INTS4: variants seen among roughly 807,000 people sequenced by gnomAD.
The protein encoded by INTS4 is MSTP093.
INTS4 carries 70 observed loss-of-function variants against 119.5 expected under a neutral mutation model. The observed-to-expected ratio is 0.59, with a 90% confidence interval of 0.48 to 0.71. INTS4 has a LOEUF of 0.71. INTS4 is among the 30% of genes least tolerant of loss of function. INTS4 has a pLI of 0.00. For synonymous variants in INTS4, 316 were observed against 419.6 expected (o/e 0.75, Z 3.02); for missense variants, 867 against 1,173.2 (o/e 0.74, Z 3.81).
At chr11:77,981,021 G>C (rs576846768) in intron 3 of INTS4, among the ~76,000 whole-genome samples, 1 of 151,908 alleles carries the variant, frequency 6.6e-6, no homozygotes, top group South Asian at 2.1e-4. Flanking sequence ...GATGGAACGA[G>C]TACTGTATGT....
chr11:77,924,609 G>C, intron 12 of INTS4, 141 bp downstream of exon 12: 1 of 652,640 alleles, frequency 1.5e-6, no homozygotes, highest in Non-Finnish European at 2.6e-6. Context: ...TGAGAGTTCG[G>C]TTAAGTTGAA....
chr11:77,941,458 C>CTTTTTTTTTT (rs35544689), intron 8 of INTS4, among the ~76,000 whole-genome samples: 3 of 138,456 alleles, frequency 2.2e-5, no homozygotes, highest in Non-Finnish European at 3.1e-5. Context: ...ACCTACTGTG[C>CTTTTTTTTTT]TTTTTTTTTT....
intron 7 of INTS4, among the ~76,000 whole-genome samples, chr11:77,956,956 C>T (rs1954343358): frequency 6.6e-6 from 1 of 151,898 alleles, no homozygotes; most frequent in African/African-American, 2.4e-5. Context: ...TTTTTTGAGA[C>T]AGGGTCTCAC....
intron 7 of INTS4, 48 bp from the exon 8 acceptor site, chr11:77,956,110 C>T (rs1416246154): frequency 5.8e-6 from 9 of 1,550,570 alleles, no homozygotes; most frequent in Non-Finnish European, 7.8e-6. Context: ...AAACATGAAC[C>T]TAAGTCTGCA....
At chr11:77,899,447 G>A (rs1952680317) in intron 18 of INTS4, among the ~76,000 whole-genome samples, 1 of 152,106 alleles carries the variant, frequency 6.6e-6, no homozygotes, top group Non-Finnish European at 1.5e-5. Flanking sequence ...CGAGTCGGGT[G>A]GATCACCTGA....
downstream of INTS4, among the ~76,000 whole-genome samples, chr11:77,874,907 C>T (rs748027137): frequency 1.3e-5 from 2 of 152,100 alleles, no homozygotes; most frequent in Admixed American, 6.6e-5. Flanking sequence ...CGTGGTGGCA[C>T]GTGCCTGTAA....
intron 12 of INTS4, among the ~76,000 whole-genome samples, chr11:77,923,930 G>A (rs1473654202): frequency 6.6e-6 from 1 of 150,454 alleles, no homozygotes; most frequent in Non-Finnish European, 1.5e-5. Context: ...AGGCCCGGCA[G>A]ATTTTTGCAT....
chr11:77,971,728 C>T (rs546069138), intron 4 of INTS4, among the ~76,000 whole-genome samples: 1 of 152,246 alleles, frequency 6.6e-6, no homozygotes, highest in African/African-American at 2.4e-5. Flanking sequence ...GTTGTCTTTT[C>T]ACCTTCTTGG....
At chr11:77,988,916 C>T (rs944263380) in intron 2 of INTS4, among the ~76,000 whole-genome samples, 3 of 152,098 alleles carry the variant, frequency 2.0e-5, no homozygotes, top group African/African-American at 7.2e-5. Context: ...AGACTGAATG[C>T]CATGTGGGGA....
chr11:77,990,451 C>T (rs1003099068), intron 2 of INTS4, among the ~76,000 whole-genome samples: 15 of 151,986 alleles, frequency 9.9e-5, no homozygotes, highest in Non-Finnish European at 1.8e-4. Context: ...TTTGGGAGGC[C>T]AAGGTGGCTG....
chr11:77,923,508 G>A (rs1953417887), intron 12 of INTS4, among the ~76,000 whole-genome samples: 1 of 151,924 alleles, frequency 6.6e-6, no homozygotes, highest in African/African-American at 2.4e-5. Flanking sequence ...TGATATCCTG[G>A]GTGAAGTCCT....
rs150085710 is a variant in INTS4, at chr11:77,911,576, C to A, written c.1923-3766G>T. ...TGAAGTGCACAAAACAAGATGTAAC[C>A]CAATCCAACACAATTAGCCATAAGA... On this transcript the variant is annotated intron_variant, in intron 15 of 22. Transcript: ENST00000534064. Among the ~76,000 whole-genome samples the A allele has an allele frequency of 3.7e-3, 571 of 152,276 alleles. 4 individuals carry two copies. Among genetic ancestry groups the A allele is most frequent in the African/African-American group, 0.013 (537 of 41,548 alleles).
Position 77,921,493 on chromosome 11 carries a change from A to C in INTS4, c.1631-20T>G. On this transcript the variant is annotated intron_variant, in intron 13 of 22. Coordinates refer to ENST00000534064, the MANE Select transcript of INTS4 (RefSeq NM_033547.4). ...CAATATCTGATAGATGACTGGGTTAAGTAAACTTGGAAGTATAAAAGGTTG... is the reference window on the plus strand; with the variant it reads ...CAATATCTGATAGATGACTGGGTTACGTAAACTTGGAAGTATAAAAGGTTG... 1 of 1,583,490 alleles carries C rather than the reference A, an allele frequency of 6.3e-7. No homozygotes were observed. Among genetic ancestry groups the C allele is most frequent in the South Asian group, 1.1e-5 (1 of 90,292 alleles).
Position 77,969,668 on chromosome 11 carries a change from C to G in INTS4, c.472-8530G>C, listed in dbSNP as rs149315765. On this transcript the variant is annotated intron_variant, in intron 4 of 22. Transcript: ENST00000534064. ...GGACTACAGGCATGAGCTACTGCAC[C>G]TGGCCAATTCAATGCTTTTCCGTAC... Among the ~76,000 whole-genome samples the G allele has an allele frequency of 4.3e-3, 658 of 152,098 alleles. 3 individuals carry two copies. Among genetic ancestry groups the G allele is most frequent in the African/African-American group, 0.015 (623 of 41,488 alleles).
chr11:77,937,469 C>T lies in INTS4; in HGVS notation c.1165+1182G>A, dbSNP rs180979481. On this transcript the variant is annotated intron_variant, in intron 10 of 22. Coordinates refer to ENST00000534064, the MANE Select transcript of INTS4 (RefSeq NM_033547.4). ...CATTAAAAGACTGGTAGAGGCCATGCACAGTGGCTCACGCCCGCAATCTCA... is the reference window on the plus strand; with the variant it reads ...CATTAAAAGACTGGTAGAGGCCATGTACAGTGGCTCACGCCCGCAATCTCA... 5.1e-4 allele frequency among the ~76,000 whole-genome samples: 77 copies of T among 152,302 alleles called. 2 individuals are homozygous for T. The South Asian group carries it at 0.015, about 30-fold the overall frequency.
intron 2 of INTS4, 85 bp downstream of exon 2, chr11:77,991,023 C>G (rs762580231): frequency 1.6e-5 from 18 of 1,146,196 alleles, no homozygotes; most frequent in Non-Finnish European, 2.2e-5. Flanking sequence ...TAATGAATAC[C>G]CTATTTATTT....
rs1181426035 is a variant in INTS4, at chr11:77,918,842, T to A, written c.1901A>T (p.Glu634Val). The change falls in exon 15 of 23, where the codon GAG becomes GTG. Residue 634 changes from glutamate to valine, a missense_variant. Transcript: ENST00000534064. Reference sequence around the variant, plus strand: ...CTACCTGATGGTGAATTCCAGCAGCTCCTGGGCTCCCTGAGGGTCCAAGTG... The same window carrying A: ...CTACCTGATGGTGAATTCCAGCAGCACCTGGGCTCCCTGAGGGTCCAAGTG... Reference protein sequence around the residue: ...LQHLDPQGAQELLEFTIRDLQ... With the variant: ...LQHLDPQGAQVLLEFTIRDLQ... 3 of 1,613,500 alleles carry A rather than the reference T, an allele frequency of 1.9e-6. No homozygotes were observed. Among genetic ancestry groups the A allele is most frequent in the African/African-American group, 2.7e-5 (2 of 74,904 alleles).
In INTS4 at chr11:77,917,517, C is replaced by T. The variant is rs544137182; in HGVS notation, c.1922+1304G>A. ...TTAGTAGAGATGGGGTTTCACTCAA[C>T]GGGGCTGGTCTTGAACTCCTAGCCT... is the stretch of plus-strand genomic sequence containing the variant. On this transcript the variant is annotated intron_variant, in intron 15 of 22. Transcript: ENST00000534064. Among the ~76,000 whole-genome samples the T allele has an allele frequency of 2.9e-4, 44 of 151,656 alleles. No homozygotes were observed. In the South Asian group the frequency reaches 6.5e-3, roughly 22 times the overall value.
At chr11:77,893,085 G>A (rs1952348252) in intron 19 of INTS4, among the ~76,000 whole-genome samples, 3 of 152,194 alleles carry the variant, frequency 2.0e-5, no homozygotes, top group South Asian at 2.1e-4. Flanking sequence ...GACTTCATCA[G>A]TGCTTTAAGA....
Sources: gnomAD v4.1 joint callset for allele counts (sites outside exome capture counted in the v4.1 genomes callset) on GRCh38, gnomAD v4.1.1 for gene constraint, MANE v1.5 for transcripts, NCBI Gene and HGNC (gene_info 2026-07-23, HGNC 2026-07-21) for gene names.